Variants in GLCE observed in about 807,000 individuals in gnomAD.
GLCE encodes glucuronic acid epimerase, also known as D-glucuronyl C5-epimerase.
GLCE carries 19 observed loss-of-function variants against 47.9 expected under a neutral mutation model. The ratio of observed to expected loss-of-function variants is 0.40; its 90% CI spans 0.28 to 0.58. The LOEUF is 0.58. Among genes scored for constraint, GLCE ranks in the 20% least tolerant of loss-of-function variants. The pLI is 0.48. For missense variants in GLCE, 556 were observed against 743.3 expected, an observed-to-expected ratio of 0.75 and a Z score of 2.93; for synonymous variants, 245 against 263.4, an observed-to-expected ratio of 0.93 and a Z score of 0.68.
intron 2 of GLCE, among the ~76,000 whole-genome samples, chr15:69,240,751 G>T (rs558647992): frequency 1.2e-4 from 19 of 152,210 alleles, no homozygotes; most frequent in African/African-American, 4.3e-4. Context: ...AATTTGAGAA[G>T]CTCTCCCAAA....
chr15:69,178,411 T>G (rs2051703537), intron 1 of GLCE, among the ~76,000 whole-genome samples: 3 of 152,154 alleles, frequency 2.0e-5, no homozygotes, highest in Non-Finnish European at 4.4e-5. Flanking sequence ...TAACAATCAG[T>G]GTAATCAAGT....
rs1020622487 is a variant in GLCE, at chr15:69,270,215, A to G, written c.*971A>G. 2.0e-5 allele frequency: 3 copies of G among 152,290 alleles called. No homozygotes were observed. The highest frequency in any genetic ancestry group is 6.5e-5 in the Admixed American group (1 of 15,300). The allele number at this position is 152,290 out of a possible 1,614,324, so 9.4% of individuals were successfully genotyped here. A position where few individuals can be genotyped will look rare whatever the true frequency, so the allele number is the denominator to read the frequency against. ...TTCCCCCTTTAAATAAAAATATTAG[A>G]TCAAATACTATATGCAAGAAATCAT... is the stretch of plus-strand genomic sequence containing the variant. On this transcript the variant is annotated 3_prime_UTR_variant, in exon 5 of 5. Transcript: ENST00000261858.
intron 1 of GLCE, among the ~76,000 whole-genome samples, chr15:69,180,915 A>G (rs1218861100): frequency 6.6e-6 from 1 of 152,214 alleles, no homozygotes; most frequent in Non-Finnish European, 1.5e-5. Context: ...GAACAAGGGC[A>G]GAAGCAGTGA....
intron 3 of GLCE, among the ~76,000 whole-genome samples, chr15:69,260,252 GTT>G (rs34911776): frequency 0.013 from 1,064 of 79,340 alleles, no homozygotes; most frequent in Non-Finnish European, 0.019. Context: ...GTCACAACTG[GTT>G]TTTTTTTTTT....
chr15:69,161,179 G>A (rs2051413382), intron 1 of GLCE, among the ~76,000 whole-genome samples: 2 of 152,000 alleles, frequency 1.3e-5, no homozygotes, highest in Non-Finnish European at 2.9e-5. Flanking sequence ...GGCAGAGAAT[G>A]CAGTTTAGCA....
At chr15:69,216,482 T>C (rs1245049154) in intron 2 of GLCE, among the ~76,000 whole-genome samples, 1 of 152,164 alleles carries the variant, frequency 6.6e-6, no homozygotes, top group Non-Finnish European at 1.5e-5. Flanking sequence ...ATATTTAGTT[T>C]CTGTCAGAAT....
At chr15:69,183,552 C>T (rs1249834486) in intron 1 of GLCE, among the ~76,000 whole-genome samples, 1 of 152,194 alleles carries the variant, frequency 6.6e-6, no homozygotes, top group Admixed American at 6.5e-5. Context: ...TAACTCATAC[C>T]CTATAGTTCG....
At chr15:69,214,896 T>C (rs891962194) in intron 2 of GLCE, among the ~76,000 whole-genome samples, 1 of 152,182 alleles carries the variant, frequency 6.6e-6, no homozygotes, top group African/African-American at 2.4e-5. Context: ...AGTGTTTGTA[T>C]ACAGTTATTT....
At chr15:69,176,887 T>C (rs1465445977) in intron 1 of GLCE, among the ~76,000 whole-genome samples, 2 of 152,240 alleles carry the variant, frequency 1.3e-5, no homozygotes, top group African/African-American at 2.4e-5. Flanking sequence ...GATTGTACAA[T>C]GTCCACCACA....
rs1345716612 is a variant in GLCE, at chr15:69,256,017, C to A, written c.211C>A (p.Gln71Lys). The A allele has an allele frequency of 3.7e-6, 6 of 1,614,006 alleles. No individual in the cohort carries two copies. Among genetic ancestry groups the A allele is most frequent in the Middle Eastern group, 1.7e-4 (1 of 6,060 alleles). The change falls in exon 3 of 5, where the codon CAA (glutamine) becomes AAA (lysine). Residue 71 changes from glutamine to lysine, a missense_variant. Physicochemically the swap from Gln to Lys is moderately conservative, Grantham distance 53. Coordinates refer to ENST00000261858, the MANE Select transcript of GLCE (RefSeq NM_015554.3). ...SNNYMNHVAK[Q>K]QSEEAFPQEQ... ...CAACTATATGAACCACGTGGCCAAA[C>A]AACAGTCTGAGGAAGCATTCCCTCA... is the stretch of plus-strand genomic sequence containing the variant.
chr15:69,165,163 A>G (rs1218448519), intron 1 of GLCE, among the ~76,000 whole-genome samples: 1 of 152,168 alleles, frequency 6.6e-6, no homozygotes, highest in Non-Finnish European at 1.5e-5. Context: ...GATTTACTGC[A>G]CAGATCATCC....
At chr15:69,236,454 A>G (rs2052595525) in intron 2 of GLCE, among the ~76,000 whole-genome samples, 1 of 152,124 alleles carries the variant, frequency 6.6e-6, no homozygotes, top group Non-Finnish European at 1.5e-5. Context: ...ATTAGCATGT[A>G]GTAGTAGTAG....
chr15:69,224,604 C>G (rs936101479), intron 2 of GLCE, among the ~76,000 whole-genome samples: 1 of 152,166 alleles, frequency 6.6e-6, no homozygotes, highest in Non-Finnish European at 1.5e-5. Flanking sequence ...AATCAGTGAT[C>G]AGAGTACAGA....
intron 2 of GLCE, among the ~76,000 whole-genome samples, chr15:69,212,897 T>C (rs980990560): frequency 2.0e-5 from 3 of 152,092 alleles, no homozygotes; most frequent in African/African-American, 7.2e-5. Flanking sequence ...AGTTGACCAC[T>C]ATGGGGTTTT....
Position 69,256,061 on chromosome 15 carries a change from C to G in GLCE, c.255C>G (p.Pro85=), listed in dbSNP as rs371241193. 3 of 1,613,964 alleles carry G rather than the reference C, an allele frequency of 1.9e-6. No individual in the cohort carries two copies. Among genetic ancestry groups the G allele is most frequent in the Admixed American group, 3.3e-5 (2 of 60,010 alleles). Residue 85 remains proline, a synonymous_variant, in exon 3 of 5, where the codon CCC becomes CCG. Transcript: ENST00000261858. ...TCCCTCAGGAACAGCAGAAAGCACC[C>G]CCTGTTGTTGGGGGCTTCAATAGCA... The part of the protein sequence containing the change: ...EAFPQEQQKA[P]PVVGGFNSNV...
At chr15:69,251,176 T>A (rs2052839471) in intron 2 of GLCE, among the ~76,000 whole-genome samples, 1 of 152,192 alleles carries the variant, frequency 6.6e-6, no homozygotes, top group Non-Finnish European at 1.5e-5. Context: ...CTCTATCCCT[T>A]GTATTTCCTG....
chr15:69,247,467 A>C (rs1595780613), intron 2 of GLCE, among the ~76,000 whole-genome samples: 1 of 152,202 alleles, frequency 6.6e-6, no homozygotes, highest in East Asian at 1.9e-4. Context: ...AATTTTCTCC[A>C]TTATCAGCAA....
At chr15:69,175,065 C>A (rs1237401490) in intron 1 of GLCE, among the ~76,000 whole-genome samples, 2 of 151,904 alleles carry the variant, frequency 1.3e-5, no homozygotes, top group Admixed American at 1.3e-4. Context: ...TTTACAGACT[C>A]GGTGGTTGAA....
At chr15:69,253,262 G>A (rs935037443) in intron 2 of GLCE, among the ~76,000 whole-genome samples, 5 of 152,340 alleles carry the variant, frequency 3.3e-5, no homozygotes, top group South Asian at 2.1e-4. Context: ...TGCTGTGTTC[G>A]TGTAACAAAA....
Sources: gnomAD v4.1 joint callset for allele counts (sites outside exome capture counted in the v4.1 genomes callset) on GRCh38, gnomAD v4.1.1 for gene constraint, MANE v1.5 for transcripts, NCBI Gene and HGNC (gene_info 2026-07-23, HGNC 2026-07-21) for gene names.